Variants in PLXNA4 observed in about 807,000 individuals in gnomAD.
The protein encoded by PLXNA4 is plexin-A4.
PLXNA4 carries 44 observed loss-of-function variants against 191.8 expected under a neutral mutation model. The ratio of observed to expected loss-of-function variants is 0.23; its 90% CI spans 0.18 to 0.29. The LOEUF (loss-of-function observed/expected upper bound fraction) is 0.29, where lower values mean the gene tolerates loss of function less well. Ranked by LOEUF, PLXNA4 falls within the 10% of genes least tolerant of loss-of-function variation. The pLI, the probability that PLXNA4 is intolerant of heterozygous loss-of-function variation, is 1.00. For synonymous variants in PLXNA4, 1,082 were observed against 1,009.5 expected, an observed-to-expected ratio of 1.07 and a Z score of -1.36; for missense variants, 1,800 against 2,488.8, an observed-to-expected ratio of 0.72 and a Z score of 5.89.
At chr7:132,422,199 C>G (rs978812545) in intron 3 of PLXNA4, among the ~76,000 whole-genome samples, 5 of 152,198 alleles carry the variant, frequency 3.3e-5, no homozygotes, top group African/African-American at 1.2e-4. Context: ...CTCCTTCACC[C>G]TGTATGGCTC....
Position 132,132,497 on chromosome 7 carries a change from T to TTTCTTTTCTA in PLXNA4, c.5589+551_5589+552insTAGAAAAGAA, listed in dbSNP as rs1794992153. Among the ~76,000 whole-genome samples, 9 of 111,938 alleles carry TTTCTTTTCTA rather than the reference T, an allele frequency of 8.0e-5. 1 individual carries two copies. The highest frequency in any genetic ancestry group is 3.4e-4 in the African/African-American group (9 of 26,558). 73.4% of individuals were successfully genotyped at this position (111,938 alleles called of 152,430 possible). A position where few individuals can be genotyped will look rare whatever the true frequency, so the allele number is the denominator to read the frequency against. ...GCTCTGCTCTGCTCTGCTCTATTCT[T>TTTCTTTTCTA]TTCTATTCTATTCTATTCTATTCTA... On this transcript the variant is annotated intron_variant, in intron 31 of 31. Coordinates refer to ENST00000321063, the MANE Select transcript of PLXNA4 (RefSeq NM_020911.2).
intron 7 of PLXNA4, among the ~76,000 whole-genome samples, chr7:132,226,903 G>A (rs947774104): frequency 6.6e-6 from 1 of 152,242 alleles, no homozygotes. Flanking sequence ...ACAAATGGGA[G>A]GGACAACATG....
chr7:132,229,447 A>AAGTC (rs1298930839), intron 5 of PLXNA4, among the ~76,000 whole-genome samples: 1 of 152,148 alleles, frequency 6.6e-6, no homozygotes, highest in African/African-American at 2.4e-5. Flanking sequence ...TATTTAATCC[A>AAGTC]AGTCAGGTGA....
intron 10 of PLXNA4, among the ~76,000 whole-genome samples, chr7:132,209,628 C>T (rs1452076437): frequency 2.0e-5 from 3 of 152,126 alleles, no homozygotes; most frequent in Admixed American, 6.5e-5. Flanking sequence ...AGTTCTATCC[C>T]TGTAATGCTG....
rs1418911080 is a variant in PLXNA4, at chr7:132,461,009, C to T, written c.1371+28283G>A. 2.6e-5 allele frequency among the ~76,000 whole-genome samples: 4 copies of T among 151,830 alleles called. No individual in the cohort carries two copies. The East Asian group carries it at 7.7e-4, about 29-fold the overall frequency. ...AATATTTTCCTATGAGATAGATTTA[C>T]CAAAAGGAAAAAAGAAAGAAAATGT... On this transcript the variant is annotated intron_variant, in intron 3 of 31. Coordinates refer to ENST00000321063, the MANE Select transcript of PLXNA4 (RefSeq NM_020911.2).
chr7:132,433,733 C>T (rs117259851), intron 3 of PLXNA4, among the ~76,000 whole-genome samples: 3,254 of 152,214 alleles, frequency 0.021, 51 homozygotes, highest in Middle Eastern at 0.048. Context: ...GTGATATCCG[C>T]GACCTCCTGA....
rs527939747 is a variant in PLXNA4, at chr7:132,213,315, A to G, written c.2098-2172T>C. 2.0e-5 allele frequency among the ~76,000 whole-genome samples: 3 copies of G among 152,344 alleles called. No homozygotes were observed. In the East Asian group the frequency reaches 5.8e-4, roughly 29 times the overall value. On this transcript the variant is annotated intron_variant, in intron 9 of 31. Coordinates refer to ENST00000321063, the MANE Select transcript of PLXNA4 (RefSeq NM_020911.2). ...GTGGTGACAGCTGTACAACAATGTG[A>G]AATGTACTTAACGCCACTGAACTAT... is the stretch of plus-strand genomic sequence containing the variant.
At chr7:132,402,005 A>G (rs1302556037) in intron 3 of PLXNA4, among the ~76,000 whole-genome samples, 1 of 152,178 alleles carries the variant, frequency 6.6e-6, no homozygotes, top group East Asian at 1.9e-4. Flanking sequence ...GCCTGACTGC[A>G]CTTCAGCTGG....
intron 3 of PLXNA4, chr7:132,484,628 C>A: frequency 1.0e-6 from 1 of 1,004,490 alleles, no homozygotes; most frequent in East Asian, 2.7e-5. Flanking sequence ...TATAGCACAA[C>A]AGAACTACCT....
intron 3 of PLXNA4, chr7:132,383,954 C>T (rs896435728): frequency 1.2e-5 from 12 of 985,334 alleles, no homozygotes; most frequent in Non-Finnish European, 1.4e-5. Flanking sequence ...TGCTTTTCAA[C>T]TCTTTCAAAG....
At chr7:132,282,509 A>G (rs1233999682) in intron 4 of PLXNA4, among the ~76,000 whole-genome samples, 2 of 151,476 alleles carry the variant, frequency 1.3e-5, no homozygotes, top group African/African-American at 4.8e-5. Flanking sequence ...GCTGAGGTGG[A>G]AGGATGGCTT....
At chr7:132,481,308 G>A (rs550098878) in intron 3 of PLXNA4, among the ~76,000 whole-genome samples, 1 of 152,142 alleles carries the variant, frequency 6.6e-6, no homozygotes, top group South Asian at 2.1e-4. Flanking sequence ...AGGCTCCAGG[G>A]TAGGTACCAG....
chr7:132,497,408 A>T (rs1401929464), intron 2 of PLXNA4, among the ~76,000 whole-genome samples: 1 of 152,202 alleles, frequency 6.6e-6, no homozygotes, highest in Non-Finnish European at 1.5e-5. Flanking sequence ...TTGAGATGAC[A>T]TCGTGTTTAC....
intron 3 of PLXNA4, among the ~76,000 whole-genome samples, chr7:132,443,285 G>A (rs545284342): frequency 3.3e-5 from 5 of 152,258 alleles, no homozygotes; most frequent in African/African-American, 7.2e-5. Flanking sequence ...GTTGCACCCC[G>A]TCCTCTGTGG....
Position 132,203,620 on chromosome 7 carries a change from G to A in PLXNA4, c.2299-201C>T, listed in dbSNP as rs78375391. On this transcript the variant is annotated intron_variant, in intron 10 of 31. Coordinates refer to ENST00000321063, the MANE Select transcript of PLXNA4 (RefSeq NM_020911.2). Reference sequence around the variant, plus strand: ...TACAGGCAGGGAAGTGCATATCAGAGGGGGTGGAAGATAACACAGGGGTGG... The same window carrying A: ...TACAGGCAGGGAAGTGCATATCAGAAGGGGTGGAAGATAACACAGGGGTGG... Among the ~76,000 whole-genome samples, 1,316 of 152,338 alleles carry A rather than the reference G, an allele frequency of 8.6e-3. 21 individuals are homozygous for A. Among genetic ancestry groups the A allele is most frequent in the African/African-American group, 0.03 (1,252 of 41,572 alleles).
intron 4 of PLXNA4, among the ~76,000 whole-genome samples, chr7:132,290,722 CAGAG>C (rs1351478503): frequency 1.3e-5 from 2 of 151,988 alleles, no homozygotes; most frequent in African/African-American, 4.8e-5. Context: ...AGAAAAGAGA[CAGAG>C]AGAAACGTAA....
intron 1 of PLXNA4, among the ~76,000 whole-genome samples, chr7:132,557,776 C>A (rs939261216): frequency 3.3e-5 from 5 of 152,114 alleles, no homozygotes; most frequent in African/African-American, 1.2e-4. Context: ...GAATAATCAC[C>A]AAGACATGGA....
At chr7:132,283,034 C>T (rs1334248094) in intron 4 of PLXNA4, among the ~76,000 whole-genome samples, 3 of 152,084 alleles carry the variant, frequency 2.0e-5, no homozygotes, top group Admixed American at 2.0e-4. Context: ...CGCTCACCAC[C>T]ATACCCAGCT....
intron 3 of PLXNA4, among the ~76,000 whole-genome samples, chr7:132,420,940 G>A (rs991093405): frequency 1.3e-5 from 2 of 152,186 alleles, no homozygotes; most frequent in African/African-American, 4.8e-5. Context: ...ATGTGGAACT[G>A]TAAGTCCAAT....
Sources: allele counts gnomAD v4.1 joint callset (sites outside exome capture counted in the v4.1 genomes callset), GRCh38; gene constraint gnomAD v4.1.1; transcripts MANE v1.5; gene names NCBI Gene and HGNC (gene_info 2026-07-23, HGNC 2026-07-21).